RBFOX1: variants seen among roughly 807,000 people sequenced by gnomAD.
RBFOX1 encodes RNA binding protein fox-1 homolog 1.
In RBFOX1, 8 loss-of-function variants were observed where a neutral mutation model predicts 57.7. The ratio of observed to expected loss-of-function variants is 0.14; its 90% CI spans 0.08 to 0.25. RBFOX1 has a LOEUF of 0.25. Ranked by LOEUF, RBFOX1 falls within the 10% of genes least tolerant of loss-of-function variation. The pLI, the probability that RBFOX1 is intolerant of heterozygous loss-of-function variation, is 1.00. For missense variants in RBFOX1, 611 were observed against 548.5 expected (o/e 1.11, Z -1.14); for synonymous variants, 326 against 222.4 (o/e 1.47, Z -4.15).
chr16:6,060,138 T>TTTG (rs2095666266), intron 1 of RBFOX1, among the ~76,000 whole-genome samples: 1 of 23,430 alleles, frequency 4.3e-5, no homozygotes, highest in Non-Finnish European at 1.2e-4. Flanking sequence ...TTTTTTTTTT[T>TTTG]TTTTTTTTTT....
intron 9 of RBFOX1, among the ~76,000 whole-genome samples, chr16:7,600,149 C>T (rs889710249): frequency 6.6e-6 from 1 of 152,100 alleles, no homozygotes; most frequent in African/African-American, 2.4e-5. Context: ...ACTCAGTTTC[C>T]AGGAATAAGT....
intron 4 of RBFOX1, among the ~76,000 whole-genome samples, chr16:5,983,607 G>C (rs910826868): frequency 4.6e-5 from 7 of 152,176 alleles, no homozygotes; most frequent in African/African-American, 7.2e-5. Flanking sequence ...CTCAGGAAGC[G>C]TGGTCCTTGT....
At chr16:5,741,977 C>G (rs555261641) in intron 3 of RBFOX1, among the ~76,000 whole-genome samples, 86 of 152,126 alleles carry the variant, frequency 5.7e-4, no homozygotes, top group Non-Finnish European at 4.0e-4. Flanking sequence ...TAGAAATACT[C>G]CTCTCTTCTC....
chr16:7,312,028 G>A (rs911720493), intron 4 of RBFOX1, among the ~76,000 whole-genome samples: 5 of 152,182 alleles, frequency 3.3e-5, no homozygotes, highest in African/African-American at 9.7e-5. Context: ...AGATGCAAAT[G>A]GGAACACTTA....
intron 2 of RBFOX1, among the ~76,000 whole-genome samples, chr16:6,319,908 T>C (rs1378653261): frequency 6.6e-6 from 1 of 152,206 alleles, no homozygotes; most frequent in African/African-American, 2.4e-5. Context: ...AATTAATTAA[T>C]TGTGCAAACT....
At chr16:7,690,800 AAT>A (rs1226405480) in intron 14 of RBFOX1, among the ~76,000 whole-genome samples, 2 of 152,170 alleles carry the variant, frequency 1.3e-5, no homozygotes, top group Admixed American at 6.6e-5. Context: ...CCTCTAAATC[AAT>A]AGTCTTAATG....
intron 5 of RBFOX1, among the ~76,000 whole-genome samples, chr16:7,567,919 G>A (rs1202332856): frequency 2.0e-5 from 3 of 149,702 alleles, no homozygotes; most frequent in Non-Finnish European, 4.4e-5. Context: ...CCATATATAT[G>A]TATGGATACC....
At chr16:7,126,806 CT>C in intron 4 of RBFOX1, among the ~76,000 whole-genome samples, 1 of 151,892 alleles carries the variant, frequency 6.6e-6, no homozygotes, top group Non-Finnish European at 1.5e-5. Context: ...CAAAGATTTT[CT>C]TTTAGCCTGG....
chr16:7,265,049 G>C (rs1056380341), intron 4 of RBFOX1, among the ~76,000 whole-genome samples: 7 of 152,182 alleles, frequency 4.6e-5, no homozygotes, highest in Admixed American at 1.3e-4. Flanking sequence ...CATTCTTTTT[G>C]TCTTGAAATG....
chr16:5,610,940 C>G (rs548255273), intron 3 of RBFOX1, among the ~76,000 whole-genome samples: 15 of 152,248 alleles, frequency 9.9e-5, no homozygotes, highest in Admixed American at 7.2e-4. Context: ...TTTTAACACT[C>G]AAGTTGTGGG....
rs138567450 is a variant in RBFOX1 at position 6,647,098 on chromosome 16, T to G, written c.-63-7505T>G. On this transcript the variant is annotated intron_variant, in intron 2 of 15. Coordinates refer to ENST00000550418, the MANE Select transcript of RBFOX1 (RefSeq NM_018723.4). Reference sequence around the variant, plus strand: ...AGGTGCCAGCAGTGTCAGGTTCTGATGAGCACCCTCTTCCTGGCTTGTAGT... The same window carrying G: ...AGGTGCCAGCAGTGTCAGGTTCTGAGGAGCACCCTCTTCCTGGCTTGTAGT... Among the ~76,000 whole-genome samples, 241 of 152,234 alleles carry G rather than the reference T, an allele frequency of 1.6e-3. 3 individuals carry two copies. The highest frequency in any genetic ancestry group is 5.4e-3 in the African/African-American group (225 of 41,554).
rs34743228 is a variant in RBFOX1, at chr16:5,956,678, A to ATTTTTTTT, written c.351+89344_351+89351dup. Among the ~76,000 whole-genome samples the ATTTTTTTT allele has an allele frequency of 1.0e-3, 120 of 116,464 alleles. 2 individuals are homozygous for ATTTTTTTT. The highest frequency in any genetic ancestry group is 3.8e-3 in the East Asian group (16 of 4,214). 76.4% of individuals were successfully genotyped at this position (116,464 alleles called of 152,430 possible). On this transcript the variant is annotated intron_variant, in intron 4 of 19. Transcript: ENST00000641259. ...TATATTTATATATATATATATATAT[A>ATTTTTTTT]TTTTTTTTGAGGCACAGTCTCATCC...
At chr16:6,376,302 GGTTGTT>G (rs59682771) in intron 2 of RBFOX1, among the ~76,000 whole-genome samples, 2 of 151,088 alleles carry the variant, frequency 1.3e-5, no homozygotes, top group Non-Finnish European at 3.0e-5. Context: ...TTTGTTGGTT[GGTTGTT>G]GTTGTTGTTG....
intron 1 of RBFOX1, among the ~76,000 whole-genome samples, chr16:5,411,035 A>C (rs1361288888): frequency 6.6e-6 from 1 of 152,180 alleles, no homozygotes; most frequent in Non-Finnish European, 1.5e-5. Flanking sequence ...ATTAAATGTG[A>C]GTTGTTATCC....
intron 2 of RBFOX1, among the ~76,000 whole-genome samples, chr16:6,627,662 C>G (rs1037153811): frequency 3.3e-5 from 5 of 152,234 alleles, no homozygotes; most frequent in South Asian, 4.1e-4. Flanking sequence ...GATAAAGTAA[C>G]TTTCCAGAAA....
intron 3 of RBFOX1, among the ~76,000 whole-genome samples, chr16:5,739,176 A>G (rs532082014): frequency 2.0e-5 from 3 of 152,340 alleles, no homozygotes; most frequent in African/African-American, 4.8e-5. Flanking sequence ...TTGCACATAG[A>G]AGGTCTGTGA....
At chr16:5,843,435 C>G (rs1308757816) in intron 3 of RBFOX1, among the ~76,000 whole-genome samples, 1 of 152,174 alleles carries the variant, frequency 6.6e-6, no homozygotes, top group African/African-American at 2.4e-5. Flanking sequence ...TGGCCTCCAG[C>G]TCCATGCATG....
At chr16:6,751,138 G>T (rs74007010) in intron 3 of RBFOX1, among the ~76,000 whole-genome samples, 6 of 152,206 alleles carry the variant, frequency 3.9e-5, no homozygotes, top group South Asian at 4.1e-4. Context: ...GCCAGGTCCT[G>T]TGTGGCCTTT....
intron 4 of RBFOX1, among the ~76,000 whole-genome samples, chr16:7,187,435 A>G (rs2084134697): frequency 6.6e-6 from 1 of 151,934 alleles, no homozygotes; most frequent in South Asian, 2.1e-4. Flanking sequence ...CACGCCTGTA[A>G]TCCCAGCACT....
Sources: allele counts gnomAD v4.1 joint callset (sites outside exome capture counted in the v4.1 genomes callset), GRCh38; gene constraint gnomAD v4.1.1; transcripts MANE v1.5; gene names NCBI Gene and HGNC (gene_info 2026-07-23, HGNC 2026-07-21).